The following SATB2 variants were observed in gnomAD, a reference collection of about 807,000 sequenced individuals.
SATB2 encodes the protein DNA-binding protein SATB2.
Under a neutral mutation model 73.4 loss-of-function variants are expected in SATB2, and 1 was observed. That is an observed-to-expected ratio of 0.01 (90% confidence interval 0.00 to 0.06). The LOEUF (loss-of-function observed/expected upper bound fraction) is 0.06, where lower values mean the gene tolerates loss of function less well. SATB2 is among the 10% of genes least tolerant of loss of function. The pLI, the probability that SATB2 is intolerant of heterozygous loss-of-function variation, is 1.00. For synonymous variants in SATB2, 397 were observed against 367.0 expected, an observed-to-expected ratio of 1.08 and a Z score of -0.93; for missense variants, 459 against 945.8, an observed-to-expected ratio of 0.49 and a Z score of 6.75.
At chr2:199,331,631 T>A (rs1377501014) in intron 7 of SATB2, among the ~76,000 whole-genome samples, 2 of 152,154 alleles carry the variant, frequency 1.3e-5, no homozygotes, top group Non-Finnish European at 2.9e-5. Flanking sequence ...AGTTGTTTTG[T>A]TGAGTCTTTT....
chr2:199,380,538 T>A, intron 4 of SATB2, 51 bp from the exon 5 acceptor site: 5 of 1,601,426 alleles, frequency 3.1e-6, no homozygotes, highest in Non-Finnish European at 4.2e-6. Flanking sequence ...CCAGGGTCCC[T>A]GACTGAAGAG....
intron 7 of SATB2, among the ~76,000 whole-genome samples, chr2:199,334,402 A>C (rs1688276524): frequency 6.6e-6 from 1 of 152,214 alleles, no homozygotes; most frequent in Admixed American, 6.6e-5. Flanking sequence ...ATTGCTTTAA[A>C]CAATTGGTGT....
At chr2:199,410,676 A>G (rs944102495) in intron 3 of SATB2, among the ~76,000 whole-genome samples, 1 of 152,248 alleles carries the variant, frequency 6.6e-6, no homozygotes, top group Admixed American at 6.5e-5. Flanking sequence ...GCAGTTCAAG[A>G]AGAATGAATG....
chr2:199,303,603 T>G (rs1479119605), intron 10 of SATB2, among the ~76,000 whole-genome samples: 1 of 152,148 alleles, frequency 6.6e-6, no homozygotes, highest in East Asian at 1.9e-4. Flanking sequence ...TTTGGCAGCA[T>G]CTCTGACCTC....
At chr2:199,363,819 C>A (rs1468512990) in intron 6 of SATB2, among the ~76,000 whole-genome samples, 1 of 152,104 alleles carries the variant, frequency 6.6e-6, no homozygotes, top group Non-Finnish European at 1.5e-5. Flanking sequence ...TTTTATCCTG[C>A]CATTACTTTC....
At chr2:199,380,530 AG>A (rs1689738668) in intron 4 of SATB2, 43 bp from the exon 5 acceptor site, 1 of 1,603,608 alleles carries the variant, frequency 6.2e-7, no homozygotes, top group African/African-American at 1.3e-5. Context: ...AACCTCAACC[AG>A]GGTCCCTGAC....
chr2:199,451,532 T>C (rs1692123916), intron 2 of SATB2, among the ~76,000 whole-genome samples: 1 of 151,960 alleles, frequency 6.6e-6, no homozygotes, highest in African/African-American at 2.4e-5. Context: ...AATATTATGA[T>C]ATTCATCCTT....
intron 3 of SATB2, among the ~76,000 whole-genome samples, chr2:199,406,822 G>A: frequency 6.6e-6 from 1 of 152,064 alleles, no homozygotes; most frequent in East Asian, 1.9e-4. Flanking sequence ...TAGGGGAGAT[G>A]ATTTAAAAGA....
chr2:199,350,725 T>A (rs1688790472), intron 6 of SATB2, among the ~76,000 whole-genome samples: 1 of 152,060 alleles, frequency 6.6e-6, no homozygotes, highest in Non-Finnish European at 1.5e-5. Context: ...TCCTGCTTTT[T>A]AAAGAAACTC....
intron 3 of SATB2, among the ~76,000 whole-genome samples, chr2:199,382,442 T>TA (rs1264638965): frequency 6.6e-6 from 1 of 152,224 alleles, no homozygotes; most frequent in Non-Finnish European, 1.5e-5. Flanking sequence ...TTCTTTTTTT[T>TA]ATTCCTCAGC....
chr2:199,396,561 T>C (rs1248843582), intron 3 of SATB2: 1 of 152,176 alleles, frequency 6.6e-6, no homozygotes, highest in African/African-American at 2.4e-5. Context: ...ACGGTCCCAC[T>C]GGTCTCTAAA....
chr2:199,417,036 TCACACACACACACACACACACA>T (rs55763647), intron 3 of SATB2, among the ~76,000 whole-genome samples: 1 of 144,166 alleles, frequency 6.9e-6, no homozygotes, highest in Non-Finnish European at 1.5e-5. Context: ...ACTCCGTCTC[TCACACACACACACACACACACA>T]CACACACACA....
intron 3 of SATB2, among the ~76,000 whole-genome samples, chr2:199,407,934 T>G (rs994503779): frequency 6.6e-6 from 1 of 152,102 alleles, no homozygotes; most frequent in African/African-American, 2.4e-5. Flanking sequence ...GTTCAAAAAT[T>G]AAAAAGTAAA....
intron 7 of SATB2, among the ~76,000 whole-genome samples, chr2:199,342,503 C>T (rs1008842188): frequency 6.6e-6 from 1 of 151,462 alleles, no homozygotes; most frequent in African/African-American, 2.4e-5. Flanking sequence ...GACCTAATGG[C>T]ACAGACAGGA....
At chr2:199,378,894 T>G (rs1024014361) in intron 5 of SATB2, among the ~76,000 whole-genome samples, 5 of 152,204 alleles carry the variant, frequency 3.3e-5, no homozygotes, top group African/African-American at 1.2e-4. Flanking sequence ...AACCAGGACA[T>G]GAATCCAGCC....
Position 199,463,801 on chromosome 2 carries a change from C to A in SATB2, c.-141+1035G>T, listed in dbSNP as rs897051097. On this transcript the variant is annotated intron_variant, in intron 1 of 11. Coordinates refer to the SATB2 transcript ENST00000260926. The surrounding 1 kb of genome is among the most constrained non-coding windows in gnomAD (Gnocchi z 6.4). Reference sequence around the variant, plus strand: ...TGAAATGAAAAGTACACCTGGAAAGCCCAAGATAGCACCCGGTCCGCACCC... The same window carrying A: ...TGAAATGAAAAGTACACCTGGAAAGACCAAGATAGCACCCGGTCCGCACCC... Among the ~76,000 whole-genome samples the A allele has an allele frequency of 1.4e-4, 21 of 152,190 alleles. No individual in the cohort carries two copies. Among genetic ancestry groups the A allele is most frequent in the Admixed American group, 6.5e-5 (1 of 15,284 alleles).
chr2:199,411,357 A>T (rs1024118920), intron 3 of SATB2, among the ~76,000 whole-genome samples: 3 of 152,192 alleles, frequency 2.0e-5, no homozygotes, highest in Non-Finnish European at 2.9e-5. Context: ...TTCCTTGCTT[A>T]TATCTACCTT....
At chr2:199,393,072 T>C (rs190768840) in intron 3 of SATB2, among the ~76,000 whole-genome samples, 2 of 152,210 alleles carry the variant, frequency 1.3e-5, no homozygotes, top group East Asian at 1.9e-4. Flanking sequence ...TGAACCTCCA[T>C]TTTGCCATCT....
chr2:199,413,471 C>G (rs1424221464), intron 3 of SATB2, among the ~76,000 whole-genome samples: 1 of 152,074 alleles, frequency 6.6e-6, no homozygotes, highest in African/African-American at 2.4e-5. Flanking sequence ...AGCTTTCTGC[C>G]CCTCTGCTCT....
Sources: gnomAD v4.1 joint callset for allele counts (sites outside exome capture counted in the v4.1 genomes callset) on GRCh38, gnomAD v4.1.1 for gene constraint, Gnocchi (gnomAD v3.1) non-coding constraint, MANE v1.5 for transcripts, NCBI Gene and HGNC (gene_info 2026-07-23, HGNC 2026-07-21) for gene names.